CADM1: variants seen among roughly 807,000 people sequenced by gnomAD.
CADM1 encodes the protein TSLC-1.
Under a neutral mutation model 53.1 loss-of-function variants are expected in CADM1, and 15 were observed. The observed-to-expected ratio is 0.28, with a 90% CI of 0.19 to 0.44. The LOEUF is 0.44. Ranked by LOEUF, CADM1 falls within the 20% of genes least tolerant of loss-of-function variation. The pLI, the probability that CADM1 is intolerant of heterozygous loss-of-function variation, is 1.00. For synonymous variants in CADM1, 281 were observed against 243.0 expected (o/e 1.16, Z -1.45); for missense variants, 434 against 611.3 (o/e 0.71, Z 3.06).
intron 1 of CADM1, among the ~76,000 whole-genome samples, chr11:115,277,097 G>A (rs1943466384): frequency 6.6e-6 from 1 of 152,234 alleles, no homozygotes; most frequent in Non-Finnish European, 1.5e-5. Context: ...GCCAGCTTGA[G>A]TAGACGGGAA....
At chr11:115,228,095 A>G (rs1427279903) in intron 5 of CADM1, among the ~76,000 whole-genome samples, 1 of 152,182 alleles carries the variant, frequency 6.6e-6, no homozygotes, top group Non-Finnish European at 1.5e-5. Flanking sequence ...TGTGACGATG[A>G]AGGCAGAGAG....
chr11:115,349,378 G>GT (rs1417702843), intron 1 of CADM1, among the ~76,000 whole-genome samples: 1 of 152,138 alleles, frequency 6.6e-6, no homozygotes, highest in African/African-American at 2.4e-5. Context: ...GCATAAAATA[G>GT]TAAGATTTGT....
At chr11:115,369,454 T>G (rs1251402466) in intron 1 of CADM1, among the ~76,000 whole-genome samples, 2 of 152,200 alleles carry the variant, frequency 1.3e-5, no homozygotes, top group Non-Finnish European at 2.9e-5. Context: ...GCAGAGAGTA[T>G]TGTTTAACTT....
At chr11:115,466,018 T>C (rs1948892619) in intron 1 of CADM1, among the ~76,000 whole-genome samples, 1 of 152,158 alleles carries the variant, frequency 6.6e-6, no homozygotes, top group African/African-American at 2.4e-5. Flanking sequence ...GCAATGTGAC[T>C]ATGATTTTCA....
chr11:115,376,699 C>T (rs139749151), intron 1 of CADM1, among the ~76,000 whole-genome samples: 3 of 152,156 alleles, frequency 2.0e-5, no homozygotes, highest in Admixed American at 6.6e-5. Context: ...TATAAAAACC[C>T]GTGGGAAACC....
At chr11:115,355,581 T>C (rs1278388647) in intron 1 of CADM1, among the ~76,000 whole-genome samples, 2 of 151,910 alleles carry the variant, frequency 1.3e-5, no homozygotes, top group African/African-American at 2.4e-5. Flanking sequence ...AGTTTAACCA[T>C]ATTACAAACG....
At chr11:115,492,511 A>T (rs1462335308) in intron 1 of CADM1, among the ~76,000 whole-genome samples, 1 of 152,202 alleles carries the variant, frequency 6.6e-6, no homozygotes, top group African/African-American at 2.4e-5. Flanking sequence ...TTGATACATA[A>T]CACACACACA....
chr11:115,332,531 A>C (rs1354677321), intron 1 of CADM1, among the ~76,000 whole-genome samples: 2 of 152,172 alleles, frequency 1.3e-5, no homozygotes, highest in Non-Finnish European at 1.5e-5. Flanking sequence ...TCTTAAAGCA[A>C]CCACGGTCCC....
At chr11:115,497,035 T>C (rs1949634084) in intron 1 of CADM1, among the ~76,000 whole-genome samples, 1 of 152,190 alleles carries the variant, frequency 6.6e-6, no homozygotes, top group Admixed American at 6.5e-5. Context: ...CCACCTCCTC[T>C]AGGGACGGCA....
intron 1 of CADM1, among the ~76,000 whole-genome samples, chr11:115,421,537 C>T (rs1377220177): frequency 6.6e-6 from 1 of 152,212 alleles, no homozygotes; most frequent in Non-Finnish European, 1.5e-5. Flanking sequence ...ACCAGCGGTG[C>T]CAAACTGTTA....
At chr11:115,348,347 T>C (rs1945638255) in intron 1 of CADM1, among the ~76,000 whole-genome samples, 1 of 152,226 alleles carries the variant, frequency 6.6e-6, no homozygotes, top group Non-Finnish European at 1.5e-5. Context: ...AGTAATTTCT[T>C]CCTGCAGACA....
intron 1 of CADM1, among the ~76,000 whole-genome samples, chr11:115,477,378 T>C (rs1363277390): frequency 6.6e-6 from 1 of 152,156 alleles, no homozygotes; most frequent in East Asian, 1.9e-4. Flanking sequence ...AGGACAAGAA[T>C]CCAATGGTTA....
chr11:115,294,141 T>C (rs1943983583), intron 1 of CADM1, among the ~76,000 whole-genome samples: 1 of 152,106 alleles, frequency 6.6e-6, no homozygotes, highest in Non-Finnish European at 1.5e-5. Context: ...CCAGGAAACA[T>C]GATCAGGATG....
intron 1 of CADM1, among the ~76,000 whole-genome samples, chr11:115,375,356 A>G (rs1043034669): frequency 1.2e-4 from 19 of 152,202 alleles, no homozygotes; most frequent in Non-Finnish European, 2.4e-4. Flanking sequence ...AAGGAAGCGC[A>G]GTAATTTTGA....
At chr11:115,207,821 G>A (rs1279970320) in intron 8 of CADM1, among the ~76,000 whole-genome samples, 2 of 152,120 alleles carry the variant, frequency 1.3e-5, no homozygotes, top group Non-Finnish European at 2.9e-5. Flanking sequence ...TTTTCTTAAA[G>A]GGTTAATATA....
intron 9 of CADM1, among the ~76,000 whole-genome samples, chr11:115,196,022 C>A (rs961582229): frequency 2.0e-5 from 3 of 152,138 alleles, no homozygotes; most frequent in Non-Finnish European, 2.9e-5. Flanking sequence ...TACAATAAAT[C>A]CCTTGGCTCT....
intron 1 of CADM1, among the ~76,000 whole-genome samples, chr11:115,289,795 C>T (rs1473359225): frequency 2.0e-5 from 3 of 152,018 alleles, no homozygotes; most frequent in Non-Finnish European, 4.4e-5. Flanking sequence ...GGGGTTTTCA[C>T]TGCATTAGCC....
intron 1 of CADM1, among the ~76,000 whole-genome samples, chr11:115,427,351 A>C (rs575757060): frequency 9.2e-5 from 14 of 152,368 alleles, no homozygotes; most frequent in Admixed American, 3.9e-4. Context: ...AAATGGAACA[A>C]GCAAAATCAG....
At chr11:115,486,506 G>C (rs746862278) in intron 1 of CADM1, among the ~76,000 whole-genome samples, 1 of 151,666 alleles carries the variant, frequency 6.6e-6, no homozygotes, top group African/African-American at 2.4e-5. Flanking sequence ...GTACACCACC[G>C]GGCAATTTTT....
Sources: allele counts gnomAD v4.1 joint callset (sites outside exome capture counted in the v4.1 genomes callset), GRCh38; gene constraint gnomAD v4.1.1; transcripts MANE v1.5; gene names NCBI Gene and HGNC (gene_info 2026-07-23, HGNC 2026-07-21).